ACKR3: variants seen among roughly 807,000 people sequenced by gnomAD.
ACKR3 encodes atypical chemokine receptor 3.
In ACKR3, 6 loss-of-function variants were observed where a neutral mutation model predicts 22.4. The observed-to-expected ratio is 0.27, with a 90% CI of 0.15 to 0.53. ACKR3 has a LOEUF of 0.53. Among genes scored for constraint, ACKR3 ranks in the 20% least tolerant of loss-of-function variants. The pLI is 0.96. For synonymous variants in ACKR3, 209 were observed against 205.2 expected, an observed-to-expected ratio of 1.02 and a Z score of -0.16; for missense variants, 396 against 475.2, an observed-to-expected ratio of 0.83 and a Z score of 1.55.
chr2:236,569,213 A>AT (rs1479007153), upstream of ACKR3, among the ~76,000 whole-genome samples: 1 of 152,224 alleles, frequency 6.6e-6, no homozygotes, highest in African/African-American at 2.4e-5. Flanking sequence ...AGTCTCAAGG[A>AT]TTTTGTACTT....
At chr2:236,567,210 T>C (rs1262079063), upstream of ACKR3, among the ~76,000 whole-genome samples, 1 of 152,092 alleles carries the variant, frequency 6.6e-6, no homozygotes, top group Non-Finnish European at 1.5e-5. Context: ...CATGTTGGCC[T>C]GGCTGGTCTC....
chr2:236,553,527 G>C, the ACKR3 span, among the ~76,000 whole-genome samples: 1 of 152,276 alleles, frequency 6.6e-6, no homozygotes, highest in Non-Finnish European at 1.5e-5. Flanking sequence ...GCTGGAAAAT[G>C]ACCTGGTTGC....
chr2:236,562,998 C>A (rs1691103559), upstream of ACKR3, among the ~76,000 whole-genome samples: 1 of 152,126 alleles, frequency 6.6e-6, no homozygotes, highest in Non-Finnish European at 1.5e-5. Flanking sequence ...GGTTGGTGTG[C>A]AGTTGGATGG....
chr2:236,551,414 G>A, the ACKR3 span, among the ~76,000 whole-genome samples: 5 of 152,148 alleles, frequency 3.3e-5, no homozygotes, highest in African/African-American at 1.2e-4. Context: ...CCCCCAGGAG[G>A]GACTCAGACA....
Position 236,581,507 on chromosome 2 carries a change from A to G in ACKR3, c.1042A>G (p.Arg348Gly), listed in dbSNP as rs1691536336. Residue 348 changes from arginine (R) to glycine (G), a missense_variant, in exon 2 of 2, where the codon AGA becomes GGA. Arg to Gly is a moderately radical substitution (Grantham distance 125). Transcript: ENST00000272928. The surrounding 1 kb of genome is among the most constrained non-coding windows in gnomAD (Gnocchi z 4.4). ...GCTCACCAAGCTCATCGATGCCTCCAGAGTCTCAGAGACGGAGTACTCTGC... is the reference window on the plus strand; with the variant it reads ...GCTCACCAAGCTCATCGATGCCTCCGGAGTCTCAGAGACGGAGTACTCTGC... ...TGLTKLIDAS[R>G]VSETEYSALE... is the part of the protein sequence containing the mutation. The G allele has an allele frequency of 1.2e-6, 2 of 1,614,220 alleles. No homozygotes were observed. The highest frequency in any genetic ancestry group is 1.7e-6 in the Non-Finnish European group (2 of 1,180,034).
the ACKR3 span, among the ~76,000 whole-genome samples, chr2:236,557,653 T>A: frequency 1.3e-5 from 2 of 152,220 alleles, no homozygotes; most frequent in Non-Finnish European, 2.9e-5. Flanking sequence ...AACAGATGAA[T>A]AAATTGAAAG....
chr2:236,581,108 G>A lies in ACKR3; in HGVS notation c.643G>A (p.Val215Ile). ...GGAGTGGCTGATCGGCATGGAGCTGGTCTCCGTTGTCTTGGGCTTTGCCGT... is the reference window on the plus strand; with the variant it reads ...GGAGTGGCTGATCGGCATGGAGCTGATCTCCGTTGTCTTGGGCTTTGCCGT... ...IKEWLIGMEL[V>I]SVVLGFAVPF... Residue 215 changes from valine to isoleucine, a missense_variant, in exon 2 of 2, where the codon GTC (valine) becomes ATC (isoleucine). Transcript: ENST00000272928. The surrounding 1 kb of genome is among the most constrained non-coding windows in gnomAD (Gnocchi z 4.4). 6.2e-7 allele frequency: 1 copy of A among 1,614,186 alleles called. No homozygotes were observed. The highest frequency in any genetic ancestry group is 8.5e-7 in the Non-Finnish European group (1 of 1,180,026).
chr2:236,549,972 A>T, the ACKR3 span, among the ~76,000 whole-genome samples: 1 of 152,138 alleles, frequency 6.6e-6, no homozygotes, highest in Non-Finnish European at 1.5e-5. The surrounding 1 kb of genome is among the most constrained non-coding windows in gnomAD (Gnocchi z 5.3). Flanking sequence ...GACATCCCCA[A>T]CTGTGAGGGC....
chr2:236,539,140 A>G, the ACKR3 span, among the ~76,000 whole-genome samples: 1 of 152,070 alleles, frequency 6.6e-6, no homozygotes, highest in Non-Finnish European at 1.5e-5. Context: ...TACTGTAAGA[A>G]AATACTACAG....
upstream of ACKR3, among the ~76,000 whole-genome samples, chr2:236,568,569 A>G (rs557662513): frequency 6.6e-6 from 1 of 152,354 alleles, no homozygotes; most frequent in South Asian, 2.1e-4. Flanking sequence ...GGCCGGCCCC[A>G]GGGCGACCCC....
At position 236,580,603 on chromosome 2, in the gene ACKR3, G is replaced by A. The variant is rs375172239; in HGVS notation, c.138G>A (p.Thr46=). 510 of 1,613,646 alleles carry A rather than the reference G, an allele frequency of 3.2e-4. No individual in the cohort carries two copies. The highest frequency in any genetic ancestry group is 4.0e-4 in the Non-Finnish European group (468 of 1,179,798). The stretch of plus-strand genomic sequence containing the variant: ...CCAACAAAAGCGTCCTGCTCTACAC[G>A]CTCTCCTTCATTTACATTTTCATCT... ...NMPNKSVLLY[T]LSFIYIFIFV... Residue 46 remains threonine, a synonymous_variant, in exon 2 of 2, where the codon ACG becomes ACA. Coordinates refer to ENST00000272928, the MANE Select transcript of ACKR3 (RefSeq NM_020311.3).
the ACKR3 span, among the ~76,000 whole-genome samples, chr2:236,539,726 C>T: frequency 6.6e-6 from 1 of 152,100 alleles, no homozygotes; most frequent in Non-Finnish European, 1.5e-5. Flanking sequence ...TTAGTCTGTT[C>T]TCATGATGCT....
At chr2:236,557,765 A>T in the ACKR3 span, among the ~76,000 whole-genome samples, 1 of 152,228 alleles carries the variant, frequency 6.6e-6, no homozygotes, top group African/African-American at 2.4e-5. Flanking sequence ...GCCAGTTCCA[A>T]TCACAGCAAA....
intron 1 of ACKR3, among the ~76,000 whole-genome samples, chr2:236,579,607 C>T (rs1469054295): frequency 2.0e-5 from 3 of 152,222 alleles, no homozygotes; most frequent in Non-Finnish European, 4.4e-5. Context: ...GGTCAGCCCT[C>T]CTGAAATGCA....
intron 1 of ACKR3, among the ~76,000 whole-genome samples, chr2:236,573,467 T>C (rs1248101147): frequency 2.6e-5 from 4 of 152,148 alleles, no homozygotes; most frequent in African/African-American, 9.7e-5. Flanking sequence ...AGTTTCCAGG[T>C]GTGCAAACAG....
upstream of ACKR3, chr2:236,569,731 G>C (rs1466063443): frequency 6.6e-6 from 1 of 152,442 alleles, no homozygotes; most frequent in African/African-American, 2.4e-5. Context: ...GGTGGCACGG[G>C]GGAGAGAGAG....
the ACKR3 span, among the ~76,000 whole-genome samples, chr2:236,557,409 G>C: frequency 6.6e-6 from 1 of 152,076 alleles, no homozygotes; most frequent in Non-Finnish European, 1.5e-5. Context: ...AGGCTCCTTG[G>C]AAAGGCAGAT....
At chr2:236,547,860 A>G in the ACKR3 span, among the ~76,000 whole-genome samples, 1 of 147,712 alleles carries the variant, frequency 6.8e-6, no homozygotes, top group African/African-American at 2.5e-5. Context: ...TTTACAGCGT[A>G]TCTGGGTGCT....
chr2:236,567,892 G>A (rs1016794422), upstream of ACKR3: 2 of 153,690 alleles, frequency 1.3e-5, no homozygotes, highest in Non-Finnish European at 2.9e-5. Context: ...TGCGGGCCGT[G>A]GGTGGGTGCG....
Sources: gnomAD v4.1 joint callset for allele counts (sites outside exome capture counted in the v4.1 genomes callset) on GRCh38, gnomAD v4.1.1 for gene constraint, Gnocchi (gnomAD v3.1) non-coding constraint, MANE v1.5 for transcripts, NCBI Gene and HGNC (gene_info 2026-07-23, HGNC 2026-07-21) for gene names.